The following POU2F3 variants were observed in gnomAD, a reference collection of about 807,000 sequenced individuals.
The protein encoded by POU2F3 is POU domain, class 2, transcription factor 3.
Under a neutral mutation model 59.2 loss-of-function variants are expected in POU2F3, and 23 were observed. The ratio of observed to expected loss-of-function variants is 0.39; its 90% confidence interval spans 0.28 to 0.55. POU2F3 has a LOEUF of 0.55. Among genes scored for constraint, POU2F3 ranks in the 20% least tolerant of loss-of-function variants. POU2F3 has a pLI of 0.66. For missense variants in POU2F3, 473 were observed against 544.5 expected, an observed-to-expected ratio of 0.87 and a Z score of 1.31; for synonymous variants, 190 against 214.6, an observed-to-expected ratio of 0.89 and a Z score of 1.00.
intron 2 of POU2F3, among the ~76,000 whole-genome samples, chr11:120,251,483 A>C (rs1328585881): frequency 6.6e-6 from 1 of 152,208 alleles, no homozygotes; most frequent in African/African-American, 2.4e-5. Flanking sequence ...TAGAAGGAGA[A>C]GGGTAGTGCA....
intron 10 of POU2F3, among the ~76,000 whole-genome samples, chr11:120,313,366 G>A (rs911312995): frequency 2.0e-5 from 3 of 152,210 alleles, no homozygotes; most frequent in Non-Finnish European, 4.4e-5. Flanking sequence ...CCACACAGGC[G>A]TTACCCTGCC....
chr11:120,297,688 G>C (rs538400911), intron 3 of POU2F3, among the ~76,000 whole-genome samples: 3 of 152,224 alleles, frequency 2.0e-5, no homozygotes, highest in African/African-American at 7.2e-5. Context: ...ATGCCATTTA[G>C]GATCACTATC....
At chr11:120,298,472 G>A (rs543596569) in intron 4 of POU2F3, 82 bp downstream of exon 4, 112 of 1,567,866 alleles carry the variant, frequency 7.1e-5, no homozygotes, top group Middle Eastern at 3.4e-4. Context: ...CTTGGTACTC[G>A]TCTAAAGAAC....
At chr11:120,289,594 T>C (rs142785649) in intron 3 of POU2F3, among the ~76,000 whole-genome samples, 1 of 152,162 alleles carries the variant, frequency 6.6e-6, no homozygotes, top group African/African-American at 2.4e-5. Context: ...CCCAAATTGC[T>C]GGTAGATCCT....
chr11:120,307,877 G>C (rs1565388476), intron 9 of POU2F3, among the ~76,000 whole-genome samples: 1 of 152,190 alleles, frequency 6.6e-6, no homozygotes, highest in Non-Finnish European at 1.5e-5. Flanking sequence ...TTCTCACTGG[G>C]AGATTTAAAG....
At chr11:120,265,410 C>T (rs1241536978) in intron 2 of POU2F3, 1 of 152,236 alleles carries the variant, frequency 6.6e-6, no homozygotes, top group South Asian at 2.1e-4. Context: ...CATGGCTGGC[C>T]CCTGCACTCT....
intron 2 of POU2F3, among the ~76,000 whole-genome samples, chr11:120,265,136 G>A (rs1187674070): frequency 6.6e-6 from 1 of 152,226 alleles, no homozygotes; most frequent in African/African-American, 2.4e-5. Flanking sequence ...GACCACGGAA[G>A]GAAAGCAGGA....
chr11:120,307,563 G>C lies in POU2F3; in HGVS notation c.854G>C (p.Arg285Pro). The change falls in exon 9 of 13, where the codon CGG (arginine) becomes CCG (proline). Residue 285 changes from arginine (R) to proline (P), a missense_variant. Physicochemically the swap from Arg to Pro is moderately radical, Grantham distance 103. Transcript: ENST00000543440. The part of the protein sequence containing the change: ...SEVFGRKRKK[R>P]TSIETNIRLT... ...GTATTTGGTAGGAAGAGAAAGAAAC[G>C]GACCAGCATCGAGACCAACATCCGC... is the stretch of plus-strand genomic sequence containing the variant. 1 of 1,614,206 alleles carries C rather than the reference G, an allele frequency of 6.2e-7. No individual in the cohort carries two copies.
rs980812944 is a variant in POU2F3, at chr11:120,269,670, A to T, written c.132+426A>T. Among the ~76,000 whole-genome samples, 19 of 152,270 alleles carry T rather than the reference A, an allele frequency of 1.2e-4. 1 individual carries two copies. The East Asian group carries it at 2.5e-3, about 20-fold the overall frequency. On this transcript the variant is annotated intron_variant, in intron 3 of 12. Transcript: ENST00000543440. ...CCTGATTTAAAGGAAGAAGCTAGAG[A>T]ACATAACAGGAAACAGATAGGCAGA...
intron 3 of POU2F3, among the ~76,000 whole-genome samples, chr11:120,294,807 G>C (rs1348397704): frequency 6.6e-6 from 1 of 152,198 alleles, no homozygotes; most frequent in Non-Finnish European, 1.5e-5. Flanking sequence ...TTGTCCTCAA[G>C]AAAGCAGTGT....
At chr11:120,269,274 A>C in intron 3 of POU2F3, 30 bp downstream of exon 3, 1 of 1,549,698 alleles carries the variant, frequency 6.5e-7, no homozygotes, top group Non-Finnish European at 8.9e-7. Flanking sequence ...AGAAACGTTT[A>C]TTCTATAAAA....
chr11:120,271,238 A>G (rs886751233), intron 3 of POU2F3, among the ~76,000 whole-genome samples: 10 of 152,222 alleles, frequency 6.6e-5, no homozygotes, highest in African/African-American at 2.2e-4. Context: ...TACAGAGAGG[A>G]AGGACTTCCA....
Position 120,296,107 on chromosome 11 carries a change from ATT to A in POU2F3, c.133-2157_133-2156del, listed in dbSNP as rs1378806200. 5.9e-5 allele frequency among the ~76,000 whole-genome samples: 9 copies of A among 152,156 alleles called. No homozygotes were observed. In the East Asian group the frequency reaches 1.7e-3, roughly 29 times the overall value. Reference sequence around the variant, plus strand: ...GGACTATCATACAATAGACGGGGAAATTGAGTCCCATAGAGGCTGAGTCCCAT... The same window carrying A: ...GGACTATCATACAATAGACGGGGAAAGAGTCCCATAGAGGCTGAGTCCCAT... On this transcript the variant is annotated intron_variant, in intron 3 of 12. Transcript: ENST00000543440.
chr11:120,270,597 A>T (rs1415137169), intron 3 of POU2F3, among the ~76,000 whole-genome samples: 1 of 152,202 alleles, frequency 6.6e-6, no homozygotes, highest in Admixed American at 6.5e-5. Flanking sequence ...AGATTCTGCT[A>T]TCCTGAGTCC....
intron 2 of POU2F3, among the ~76,000 whole-genome samples, chr11:120,257,870 G>A (rs1430048720): frequency 6.6e-6 from 1 of 152,176 alleles, no homozygotes; most frequent in African/African-American, 2.4e-5. Context: ...CATTTTGGTG[G>A]CCAGCACATG....
rs574428683 is a variant in POU2F3 at position 120,271,722 on chromosome 11, G to A, written c.132+2478G>A. On this transcript the variant is annotated intron_variant, in intron 3 of 12. Transcript: ENST00000543440. ...GACCCTGGGAGGCCCCTGACCCTTG[G>A]AACATCTTTGTAGTATGGTTTCCCC... Among the ~76,000 whole-genome samples the A allele has an allele frequency of 6.6e-5, 10 of 152,310 alleles. No individual in the cohort carries two copies. The South Asian group carries it at 2.1e-3, about 32-fold the overall frequency.
At chr11:120,291,100 G>C (rs1044315152) in intron 3 of POU2F3, among the ~76,000 whole-genome samples, 2 of 152,244 alleles carry the variant, frequency 1.3e-5, no homozygotes, top group African/African-American at 4.8e-5. Context: ...ACAGATGTGT[G>C]TTTATCTGAT....
At chr11:120,275,678 C>G (rs1173529744) in intron 3 of POU2F3, among the ~76,000 whole-genome samples, 3 of 152,156 alleles carry the variant, frequency 2.0e-5, no homozygotes, top group African/African-American at 2.4e-5. Context: ...TGGCAGCTGT[C>G]CTTGTCCCAC....
chr11:120,242,590 T>G (rs1270831136), intron 1 of POU2F3, among the ~76,000 whole-genome samples: 1 of 152,030 alleles, frequency 6.6e-6, no homozygotes, highest in Non-Finnish European at 1.5e-5. Flanking sequence ...TGGAGGAGTT[T>G]GGATGGGGGA....
Sources: allele counts gnomAD v4.1 joint callset (sites outside exome capture counted in the v4.1 genomes callset), GRCh38; gene constraint gnomAD v4.1.1; transcripts MANE v1.5; gene names NCBI Gene and HGNC (gene_info 2026-07-23, HGNC 2026-07-21).